The following ZFP1 variants were observed in gnomAD, a reference collection of about 807,000 sequenced individuals.
ZFP1 encodes the protein ZFP1 zinc finger protein.
In ZFP1, 32 loss-of-function variants were observed where a neutral mutation model predicts 38.5. The ratio of observed to expected loss-of-function variants is 0.83; its 90% CI spans 0.63 to 1.12. The LOEUF (loss-of-function observed/expected upper bound fraction) is 1.12, where lower values mean the gene tolerates loss of function less well. Ranked by LOEUF, ZFP1 falls within the 50% of genes most tolerant of loss-of-function variation. The probability of loss-of-function intolerance (pLI) is 0.00; values close to 1 mark genes in which losing one functional copy is unlikely to be tolerated. For missense variants in ZFP1, 616 were observed against 480.8 expected, an observed-to-expected ratio of 1.28 and a Z score of -2.63; for synonymous variants, 245 against 168.8, an observed-to-expected ratio of 1.45 and a Z score of -3.50.
At chr16:75,166,435 A>G in intron 2 of ZFP1, 1 of 462,098 alleles carries the variant, frequency 2.2e-6, no homozygotes, top group Non-Finnish European at 2.8e-6. Context: ...CATGTTGTCC[A>G]GGCTGGTCTC....
chr16:75,131,114 T>A, the ZFP1 span, among the ~76,000 whole-genome samples: 1 of 152,194 alleles, frequency 6.6e-6, no homozygotes, highest in South Asian at 2.1e-4. Context: ...TGACACACGC[T>A]GTGCCCTCGG....
At chr16:75,162,417 C>T (rs2037834356) in intron 2 of ZFP1, among the ~76,000 whole-genome samples, 1 of 152,158 alleles carries the variant, frequency 6.6e-6, no homozygotes, top group South Asian at 2.1e-4. Flanking sequence ...CCACTGCGTC[C>T]AGCCCAAGTA....
At chr16:75,128,957 A>G in the ZFP1 span, among the ~76,000 whole-genome samples, 1 of 151,888 alleles carries the variant, frequency 6.6e-6, no homozygotes, top group African/African-American at 2.4e-5. Flanking sequence ...CGCCTGGCTA[A>G]TTTTGTATTT....
At chr16:75,161,644 T>C (rs1370510419) in intron 2 of ZFP1, among the ~76,000 whole-genome samples, 4 of 150,260 alleles carry the variant, frequency 2.7e-5, no homozygotes, top group Non-Finnish European at 5.9e-5. Flanking sequence ...GGCTTTTCTC[T>C]TTGCAGCTGG....
chr16:75,140,651 G>T, the ZFP1 span, among the ~76,000 whole-genome samples: 43 of 152,204 alleles, frequency 2.8e-4, no homozygotes, highest in African/African-American at 1.0e-3. Flanking sequence ...CTGAATAAAG[G>T]AATAGAAAAT....
At chr16:75,163,579 T>A (rs917699033) in intron 2 of ZFP1, among the ~76,000 whole-genome samples, 4 of 151,818 alleles carry the variant, frequency 2.6e-5, no homozygotes, top group Non-Finnish European at 5.9e-5. Context: ...CCCAGAGTGC[T>A]GGGATTACAG....
chr16:75,143,310 G>C, the ZFP1 span, among the ~76,000 whole-genome samples: 10,927 of 151,834 alleles, frequency 0.072, 1,325 homozygotes, highest in African/African-American at 0.25. Context: ...GGTGTGATCT[G>C]GGCTCACTGC....
intron 2 of ZFP1, among the ~76,000 whole-genome samples, chr16:75,165,603 C>G (rs902833159): frequency 2.6e-5 from 4 of 152,194 alleles, no homozygotes; most frequent in African/African-American, 9.6e-5. Context: ...CCATCTTTGC[C>G]AGGTTGGTCC....
Position 75,171,433 on chromosome 16 carries a change from C to T in ZFP1, c.*1099C>T, listed in dbSNP as rs986067878. 2 of 152,204 alleles carry T rather than the reference C, an allele frequency of 1.3e-5. No individual in the cohort carries two copies. Among genetic ancestry groups the T allele is most frequent in the South Asian group, 2.1e-4 (1 of 4,830 alleles). 9.4% of individuals were successfully genotyped at this position (152,204 alleles called of 1,614,324 possible). On this transcript the variant is annotated 3_prime_UTR_variant, in exon 4 of 4. Transcript: ENST00000570010. ...ATTTTGTTGTTTAAAGGAGGCATTT[C>T]TACTTCCTTGAGTTTTGCTGTTGCC...
intron 3 of ZFP1, among the ~76,000 whole-genome samples, chr16:75,168,212 A>G (rs2145580564): frequency 6.6e-6 from 1 of 152,334 alleles, no homozygotes; most frequent in South Asian, 2.1e-4. Context: ...TATTTGAGAA[A>G]TCTTCAGACT....
At chr16:75,161,772 ATATTTTTTTT>A (rs2037795413) in intron 2 of ZFP1, among the ~76,000 whole-genome samples, 2 of 7,236 alleles carry the variant, frequency 2.8e-4, no homozygotes, top group African/African-American at 3.8e-4. Context: ...ATATATATAT[ATATTTTTTTT>A]TTTTTTTTTT....
upstream of ZFP1, among the ~76,000 whole-genome samples, chr16:75,144,595 G>T (rs147108865): frequency 6.6e-6 from 1 of 152,250 alleles, no homozygotes; most frequent in African/African-American, 2.4e-5. Context: ...AAAATTTGAT[G>T]TGTACACTCA....
the ZFP1 span, among the ~76,000 whole-genome samples, chr16:75,137,166 C>G: frequency 3.9e-5 from 6 of 152,152 alleles, no homozygotes; most frequent in Non-Finnish European, 7.3e-5. Context: ...AGTGTTCACA[C>G]ACACACTGAT....
At chr16:75,125,013 A>G in the ZFP1 span, among the ~76,000 whole-genome samples, 5 of 151,736 alleles carry the variant, frequency 3.3e-5, no homozygotes, top group African/African-American at 1.2e-4. Flanking sequence ...TGGAATCCCA[A>G]CACTTTGGGA....
the ZFP1 span, among the ~76,000 whole-genome samples, chr16:75,129,317 A>C: frequency 6.6e-6 from 1 of 152,220 alleles, no homozygotes; most frequent in Non-Finnish European, 1.5e-5. Context: ...ATGAAACCTG[A>C]GATCAGAGAC....
intron 3 of ZFP1, among the ~76,000 whole-genome samples, chr16:75,167,867 C>G (rs962540438): frequency 6.6e-6 from 1 of 152,218 alleles, no homozygotes; most frequent in East Asian, 1.9e-4. Flanking sequence ...GAGGCTGAGG[C>G]GGGCAGATCA....
At chr16:75,139,699 T>C in the ZFP1 span, among the ~76,000 whole-genome samples, 3 of 152,038 alleles carry the variant, frequency 2.0e-5, no homozygotes, top group Admixed American at 1.3e-4. Context: ...TTTGTTTACA[T>C]GGAGGCCTTG....
At chr16:75,140,914 G>A in the ZFP1 span, among the ~76,000 whole-genome samples, 2 of 151,866 alleles carry the variant, frequency 1.3e-5, no homozygotes, top group Non-Finnish European at 1.5e-5. Context: ...AGCCGAGATC[G>A]CACCACTGCA....
upstream of ZFP1, among the ~76,000 whole-genome samples, chr16:75,145,120 T>A (rs994452061): frequency 2.6e-5 from 4 of 152,262 alleles, no homozygotes; most frequent in Non-Finnish European, 5.9e-5. Context: ...ACACTTGGAT[T>A]GTCTCCACCT....
Sources: gnomAD v4.1 joint callset for allele counts (sites outside exome capture counted in the v4.1 genomes callset) on GRCh38, gnomAD v4.1.1 for gene constraint, MANE v1.5 for transcripts, NCBI Gene and HGNC (gene_info 2026-07-23, HGNC 2026-07-21) for gene names.